The following DISC1 variants were observed in gnomAD, a reference collection of about 807,000 sequenced individuals.
DISC1 encodes DISC1 scaffold protein.
DISC1 carries 57 observed loss-of-function variants against 84.5 expected under a neutral mutation model. The observed-to-expected ratio is 0.67, with a 90% CI of 0.55 to 0.84. The LOEUF (loss-of-function observed/expected upper bound fraction) is 0.84. DISC1 is among the 40% of genes least tolerant of loss of function. The probability of loss-of-function intolerance (pLI) is 0.00; values close to 1 mark genes in which losing one functional copy is unlikely to be tolerated. For synonymous variants in DISC1, 411 were observed against 415.2 expected (o/e 0.99, Z 0.12); for missense variants, 1,000 against 1,057.8 (o/e 0.95, Z 0.76).
chr1:231,984,517 C>A (rs11122386), intron 10 of DISC1, among the ~76,000 whole-genome samples: 1 of 151,920 alleles, frequency 6.6e-6, no homozygotes, highest in Non-Finnish European at 1.5e-5. Context: ...TGGCAGGGTA[C>A]AAAACGAAAC....
chr1:231,725,633 A>G, intron 3 of DISC1, among the ~76,000 whole-genome samples: 1 of 152,230 alleles, frequency 6.6e-6, no homozygotes, highest in South Asian at 2.1e-4. Context: ...ACGCTTCATT[A>G]AGATGATTGC....
At chr1:231,722,565 A>AT in intron 3 of DISC1, 1 of 1,614,234 alleles carries the variant, frequency 6.2e-7, no homozygotes, top group Non-Finnish European at 8.5e-7. Context: ...TGGATCCACC[A>AT]TGGAAGCCTC....
chr1:231,750,672 A>T, intron 4 of DISC1: 4 of 875,830 alleles, frequency 4.6e-6, no homozygotes, highest in Non-Finnish European at 5.5e-6. Flanking sequence ...GCTAAGTCAG[A>T]ATGTCTAGGT....
At chr1:231,784,202 G>A (rs2077657035) in intron 6 of DISC1, among the ~76,000 whole-genome samples, 1 of 151,230 alleles carries the variant, frequency 6.6e-6, no homozygotes, top group African/African-American at 2.4e-5. Flanking sequence ...GGCAGAGGTT[G>A]CAGTAAACCG....
chr1:231,850,692 CTCTTG>C lies in DISC1; in HGVS notation c.1981+32182_1981+32186del, dbSNP rs113759719. On this transcript the variant is annotated intron_variant, in intron 9 of 12. Transcript: ENST00000439617. ...AAGAAAAGTGGAAAAGAAGAGATTT[CTCTTG>C]TCTTGTATGAAGCAGCAAAATAATA... 1.3e-4 allele frequency among the ~76,000 whole-genome samples: 20 copies of C among 152,286 alleles called. 1 individual carries two copies. The highest frequency in any genetic ancestry group is 4.1e-4 in the African/African-American group (17 of 41,550).
At chr1:231,923,565 C>T (rs1387626597) in intron 9 of DISC1, among the ~76,000 whole-genome samples, 4 of 152,198 alleles carry the variant, frequency 2.6e-5, no homozygotes, top group East Asian at 1.9e-4. Flanking sequence ...TTGCCGTAGG[C>T]GGATATTACC....
intron 10 of DISC1, among the ~76,000 whole-genome samples, chr1:231,962,526 A>G (rs867608674): frequency 6.6e-6 from 1 of 152,182 alleles, no homozygotes; most frequent in Non-Finnish European, 1.5e-5. Flanking sequence ...GCTGGAGGCA[A>G]CACGTTACCC....
At chr1:231,929,060 A>C (rs528564146) in intron 9 of DISC1, among the ~76,000 whole-genome samples, 59 of 152,282 alleles carry the variant, frequency 3.9e-4, no homozygotes, top group African/African-American at 1.3e-3. Flanking sequence ...AGTTCTGTAG[A>C]TGTCTATTGC....
chr1:231,965,723 C>A (rs953113432), intron 10 of DISC1, among the ~76,000 whole-genome samples: 4 of 152,234 alleles, frequency 2.6e-5, no homozygotes, highest in African/African-American at 9.6e-5. Context: ...TCCATTCTAG[C>A]CCATTTCCCT....
chr1:231,894,134 A>T (rs1171757556), intron 9 of DISC1, among the ~76,000 whole-genome samples: 1 of 152,238 alleles, frequency 6.6e-6, no homozygotes, highest in Non-Finnish European at 1.5e-5. Context: ...ACGATCTTCT[A>T]ATATAAACTT....
chr1:232,012,708 C>T (rs1668133959), intron 11 of DISC1, among the ~76,000 whole-genome samples: 1 of 152,174 alleles, frequency 6.6e-6, no homozygotes, highest in South Asian at 2.1e-4. Context: ...ATCTGGCCAA[C>T]GTGGTGATGT....
chr1:231,927,845 A>G (rs957453440), intron 9 of DISC1, among the ~76,000 whole-genome samples: 1 of 152,152 alleles, frequency 6.6e-6, no homozygotes, highest in Non-Finnish European at 1.5e-5. Context: ...GTGTCTCCCA[A>G]CACCTATACC....
intron 12 of DISC1, among the ~76,000 whole-genome samples, chr1:232,035,451 A>C (rs1409520221): frequency 6.6e-6 from 1 of 152,204 alleles, no homozygotes; most frequent in Non-Finnish European, 1.5e-5. Flanking sequence ...GTCTCAAAAA[A>C]AGAAAAAAGA....
At chr1:231,978,354 G>A (rs1663110747) in intron 10 of DISC1, among the ~76,000 whole-genome samples, 1 of 151,966 alleles carries the variant, frequency 6.6e-6, no homozygotes, top group Non-Finnish European at 1.5e-5. Flanking sequence ...TCATGAGGGG[G>A]GGTTACGACA....
Position 232,037,884 on chromosome 1 carries a change from AC to A in DISC1, c.*1054del, listed in dbSNP as rs1275979568. ...GCAGTACTCAGGAATGCAGCACAGT[AC>A]TCAGGCAGTGCAATACTCAGTGCGG... On this transcript the variant is annotated 3_prime_UTR_variant, in exon 13 of 13. Coordinates refer to ENST00000439617, the MANE Select transcript of DISC1 (RefSeq NM_018662.3). The A allele has an allele frequency of 1.3e-5, 2 of 152,444 alleles. No homozygotes were observed. The highest frequency in any genetic ancestry group is 6.5e-5 in the Admixed American group (1 of 15,278). The allele number at this position is 152,444 out of a possible 1,614,324, so 9.4% of individuals were successfully genotyped here.
intron 3 of DISC1, among the ~76,000 whole-genome samples, chr1:231,744,673 TC>T (rs1336322307): frequency 6.6e-6 from 1 of 152,162 alleles, no homozygotes. Flanking sequence ...TAGCAAAAGT[TC>T]ATTTTTCCAT....
chr1:231,926,413 A>G (rs1351395046), intron 9 of DISC1, among the ~76,000 whole-genome samples: 1 of 152,210 alleles, frequency 6.6e-6, no homozygotes, highest in Admixed American at 6.5e-5. Context: ...CAGATCAAGT[A>G]TTGCAACGTC....
At chr1:231,644,378 G>A (rs952935854) in intron 1 of DISC1, among the ~76,000 whole-genome samples, 2 of 152,158 alleles carry the variant, frequency 1.3e-5, no homozygotes, top group Non-Finnish European at 2.9e-5. Context: ...GCTAGCAGCC[G>A]GAAAGCTACA....
chr1:231,767,225 A>G lies in DISC1; in HGVS notation c.1354A>G (p.Ile452Val), dbSNP rs1217833531. ...PTAQDSLHVS[I>V]TRRDWLLQEK... ...TGCTCAGGACAGCTTGCACGTGTCC[A>G]TCACGAGACGAGACTGGCTTCTTCA... The change falls in exon 5 of 13, where the codon ATC becomes GTC. Residue 452 changes from isoleucine to valine, a missense_variant. By Grantham distance (29) the Ile-to-Val change is conservative. Coordinates refer to ENST00000439617, the MANE Select transcript of DISC1 (RefSeq NM_018662.3). The G allele has an allele frequency of 1.2e-6, 2 of 1,614,104 alleles. No homozygotes were observed. The highest frequency in any genetic ancestry group is 2.2e-5 in the East Asian group (1 of 44,884).
Sources: gnomAD v4.1 joint callset for allele counts (sites outside exome capture counted in the v4.1 genomes callset) on GRCh38, gnomAD v4.1.1 for gene constraint, MANE v1.5 for transcripts, NCBI Gene and HGNC (gene_info 2026-07-23, HGNC 2026-07-21) for gene names.